EDIL3: variants seen among roughly 807,000 people sequenced by gnomAD.
The protein encoded by EDIL3 is EGF-like repeat and discoidin I-like domain-containing protein 3.
Under a neutral mutation model 67.4 loss-of-function variants are expected in EDIL3, and 37 were observed. That is an observed-to-expected ratio of 0.55 (90% CI 0.42 to 0.72). The LOEUF (loss-of-function observed/expected upper bound fraction) is 0.72, where lower values mean the gene tolerates loss of function less well. EDIL3 is among the 30% of genes least tolerant of loss of function. EDIL3 has a pLI of 0.00. For synonymous variants in EDIL3, 195 were observed against 196.3 expected (o/e 0.99, Z 0.05); for missense variants, 527 against 586.3 (o/e 0.90, Z 1.04).
intron 5 of EDIL3, among the ~76,000 whole-genome samples, chr5:84,122,410 G>T (rs532919823): frequency 6.6e-6 from 1 of 151,868 alleles, no homozygotes; most frequent in Non-Finnish European, 1.5e-5. Flanking sequence ...TGTGCACAAC[G>T]TGCAGGTTTG....
At chr5:84,111,355 T>C (rs1329162107) in intron 5 of EDIL3, among the ~76,000 whole-genome samples, 1 of 152,212 alleles carries the variant, frequency 6.6e-6, no homozygotes, top group Non-Finnish European at 1.5e-5. Flanking sequence ...GGTGTTAAAA[T>C]TAACCTGATA....
chr5:84,237,830 T>G (rs1246413264), intron 2 of EDIL3, among the ~76,000 whole-genome samples: 2 of 152,152 alleles, frequency 1.3e-5, no homozygotes, highest in Non-Finnish European at 2.9e-5. Context: ...TCTGCCATTT[T>G]CCTGTGAATG....
At chr5:84,112,452 T>C (rs1400205996) in intron 5 of EDIL3, among the ~76,000 whole-genome samples, 1 of 152,210 alleles carries the variant, frequency 6.6e-6, no homozygotes, top group African/African-American at 2.4e-5. Flanking sequence ...TTTCCTTTCA[T>C]TGAGATTGGC....
intron 1 of EDIL3, among the ~76,000 whole-genome samples, chr5:84,312,756 CT>C (rs1746434180): frequency 6.6e-6 from 1 of 152,200 alleles, no homozygotes; most frequent in Non-Finnish European, 1.5e-5. Flanking sequence ...TTTTTGGATC[CT>C]TTTTGTAATT....
At chr5:84,347,698 C>T (rs906088034) in intron 1 of EDIL3, among the ~76,000 whole-genome samples, 6 of 152,182 alleles carry the variant, frequency 3.9e-5, no homozygotes, top group Non-Finnish European at 8.8e-5. Context: ...CCATTATATT[C>T]ATCTTCTTTC....
intron 5 of EDIL3, among the ~76,000 whole-genome samples, chr5:84,113,301 G>A (rs1338772770): frequency 6.6e-6 from 1 of 152,140 alleles, no homozygotes; most frequent in Admixed American, 6.5e-5. Flanking sequence ...AAATTAATGA[G>A]TCCATTCAAC....
intron 1 of EDIL3, among the ~76,000 whole-genome samples, chr5:84,262,053 T>G (rs934358333): frequency 1.1e-4 from 16 of 152,220 alleles, no homozygotes; most frequent in African/African-American, 3.9e-4. Context: ...AAACAAAATC[T>G]TTTTGCATAT....
intron 1 of EDIL3, among the ~76,000 whole-genome samples, chr5:84,347,699 A>G (rs1248856508): frequency 1.3e-5 from 2 of 152,188 alleles, no homozygotes; most frequent in East Asian, 1.9e-4. Flanking sequence ...CATTATATTC[A>G]TCTTCTTTCC....
At chr5:84,362,685 T>C (rs1256658755) in intron 1 of EDIL3, among the ~76,000 whole-genome samples, 1 of 152,162 alleles carries the variant, frequency 6.6e-6, no homozygotes, top group Non-Finnish European at 1.5e-5. Flanking sequence ...TCATGCCTCT[T>C]ATTATCCCCA....
intron 1 of EDIL3, among the ~76,000 whole-genome samples, chr5:84,317,819 C>T (rs939677644): frequency 2.0e-5 from 3 of 152,128 alleles, no homozygotes; most frequent in Non-Finnish European, 4.4e-5. Flanking sequence ...TCAGGGTAAT[C>T]AGGCAAGAGA....
At chr5:84,141,492 T>A (rs1010418952) in intron 4 of EDIL3, among the ~76,000 whole-genome samples, 1 of 147,122 alleles carries the variant, frequency 6.8e-6, no homozygotes, top group Admixed American at 6.9e-5. Flanking sequence ...TTCATAATTA[T>A]ATATATTATA....
chr5:84,214,155 A>T (rs1363074943), intron 3 of EDIL3, among the ~76,000 whole-genome samples: 1 of 152,208 alleles, frequency 6.6e-6, no homozygotes, highest in African/African-American at 2.4e-5. Context: ...AATCATTGCC[A>T]CTGTTACAAC....
chr5:84,182,077 G>T (rs887596678), intron 3 of EDIL3, among the ~76,000 whole-genome samples: 4 of 151,976 alleles, frequency 2.6e-5, no homozygotes, highest in Non-Finnish European at 5.9e-5. Flanking sequence ...TGGGGCAAGG[G>T]TATTGAACAG....
chr5:84,093,790 G>A (rs1025610726), intron 6 of EDIL3, among the ~76,000 whole-genome samples: 15 of 151,088 alleles, frequency 9.9e-5, no homozygotes, highest in African/African-American at 3.7e-4. Context: ...CTCCCAAGTA[G>A]CTGGGACTAG....
intron 3 of EDIL3, among the ~76,000 whole-genome samples, chr5:84,219,538 A>G (rs1269152997): frequency 6.6e-6 from 1 of 152,182 alleles, no homozygotes; most frequent in Non-Finnish European, 1.5e-5. Flanking sequence ...TACAACCACT[A>G]TGGAAAACAA....
At chr5:84,304,470 T>C (rs1009098500) in intron 1 of EDIL3, among the ~76,000 whole-genome samples, 1 of 152,212 alleles carries the variant, frequency 6.6e-6, no homozygotes, top group Non-Finnish European at 1.5e-5. Context: ...AGCTTGCATT[T>C]TGTAGTTTTG....
chr5:83,963,427 T>C (rs1744639669), intron 9 of EDIL3, 67 bp from the exon 10 acceptor site: 1 of 1,492,722 alleles, frequency 6.7e-7, no homozygotes, highest in East Asian at 2.3e-5. Flanking sequence ...AGTCTTTTGA[T>C]GTCAAGAGAA....
At chr5:84,141,942 T>TATAC (rs1748202680) in intron 4 of EDIL3, among the ~76,000 whole-genome samples, 1 of 136,630 alleles carries the variant, frequency 7.3e-6, no homozygotes, top group African/African-American at 2.8e-5. Flanking sequence ...TATATATATA[T>TATAC]ATATACATAG....
intron 3 of EDIL3, among the ~76,000 whole-genome samples, chr5:84,205,953 A>G (rs1487278780): frequency 5.3e-5 from 8 of 151,842 alleles, no homozygotes; most frequent in Non-Finnish European, 8.8e-5. Context: ...GCCTTCTGCT[A>G]GCTTTTGAAT....
Sources: gnomAD v4.1 joint callset for allele counts (sites outside exome capture counted in the v4.1 genomes callset) on GRCh38, gnomAD v4.1.1 for gene constraint, MANE v1.5 for transcripts, NCBI Gene and HGNC (gene_info 2026-07-23, HGNC 2026-07-21) for gene names.